Variants in SUGCT observed in about 807,000 individuals in gnomAD.
SUGCT encodes the protein succinyl-CoA:glutarate CoA-transferase.
SUGCT carries 41 observed loss-of-function variants against 55.0 expected under a neutral mutation model. The observed-to-expected ratio is 0.74, with a 90% confidence interval of 0.58 to 0.97. SUGCT has a LOEUF of 0.97. SUGCT is among the 50% of genes least tolerant of loss of function. The probability of loss-of-function intolerance (pLI) is 0.00; values close to 1 mark genes in which losing one functional copy is unlikely to be tolerated. For missense variants in SUGCT, 568 were observed against 547.8 expected (o/e 1.04, Z -0.37); for synonymous variants, 187 against 200.4 (o/e 0.93, Z 0.56).
At chr7:40,751,566 C>T (rs941141120) in intron 13 of SUGCT, among the ~76,000 whole-genome samples, 5 of 152,116 alleles carry the variant, frequency 3.3e-5, no homozygotes, top group African/African-American at 7.2e-5. Flanking sequence ...ACTGATTTTC[C>T]ACATGAAGAA....
chr7:40,762,231 G>C (rs1562987654), intron 13 of SUGCT, among the ~76,000 whole-genome samples: 1 of 152,204 alleles, frequency 6.6e-6, no homozygotes, highest in Admixed American at 6.5e-5. Context: ...TCTTCATTGA[G>C]CCTCAGTAAA....
intron 11 of SUGCT, among the ~76,000 whole-genome samples, chr7:40,465,822 G>C (rs1204392251): frequency 6.6e-6 from 1 of 152,016 alleles, no homozygotes; most frequent in Non-Finnish European, 1.5e-5. Context: ...AAGCCACTAT[G>C]ACCATTTCAC....
intron 7 of SUGCT, among the ~76,000 whole-genome samples, chr7:40,253,808 A>G (rs1790609136): frequency 6.6e-6 from 1 of 152,262 alleles, no homozygotes; most frequent in African/African-American, 2.4e-5. Context: ...GGCATGAGCC[A>G]CTGCACCCGG....
At chr7:40,559,067 C>T (rs1293237942) in intron 12 of SUGCT, among the ~76,000 whole-genome samples, 1 of 152,104 alleles carries the variant, frequency 6.6e-6, no homozygotes, top group African/African-American at 2.4e-5. Context: ...TGCAATAATC[C>T]TGTGAGTGCA....
the SUGCT span, among the ~76,000 whole-genome samples, chr7:40,881,043 A>G: frequency 6.6e-6 from 1 of 152,156 alleles, no homozygotes; most frequent in African/African-American, 2.4e-5. Context: ...AGAAAACATA[A>G]CAGAACATAA....
At chr7:40,854,397 TTC>T (rs1291910065) in intron 13 of SUGCT, among the ~76,000 whole-genome samples, 38 of 106,348 alleles carry the variant, frequency 3.6e-4, no homozygotes, top group East Asian at 1.7e-3. Flanking sequence ...CAAAATTTTT[TTC>T]TTTCTTTCTT....
Position 40,404,088 on chromosome 7 carries a change from C to G in SUGCT, c.817-45199C>G, listed in dbSNP as rs1020950841. ...ACTAAGGCACTGAATGTGAAGATGA[C>G]TGGTACAGGTCACTTAGGAATGGAA... is the stretch of plus-strand genomic sequence containing the variant. On this transcript the variant is annotated intron_variant, in intron 9 of 13. Coordinates refer to ENST00000335693, the MANE Select transcript of SUGCT (RefSeq NM_001193313.2). 8.5e-5 allele frequency among the ~76,000 whole-genome samples: 13 copies of G among 152,164 alleles called. No homozygotes were observed. In the South Asian group the frequency reaches 2.5e-3, roughly 29 times the overall value.
chr7:40,160,112 C>G (rs1784075105), intron 1 of SUGCT, among the ~76,000 whole-genome samples: 1 of 152,174 alleles, frequency 6.6e-6, no homozygotes, highest in Admixed American at 6.5e-5. Context: ...TGTAGTAAAC[C>G]TTAGCTCTGT....
Position 40,560,861 on chromosome 7 carries a change from A to C in SUGCT, c.1089+64475A>C, listed in dbSNP as rs555886037. 2.0e-5 allele frequency among the ~76,000 whole-genome samples: 3 copies of C among 152,316 alleles called. No individual in the cohort carries two copies. In the East Asian group the frequency reaches 5.8e-4, roughly 29 times the overall value. ...AATGTTTCTTAATTAGTGTTTGCAA[A>C]TCTGCTGATTTTACGAAAAATCTGT... is the stretch of plus-strand genomic sequence containing the variant. On this transcript the variant is annotated intron_variant, in intron 12 of 13. Coordinates refer to ENST00000335693, the MANE Select transcript of SUGCT (RefSeq NM_001193313.2).
chr7:40,744,836 T>C (rs1321587551), intron 12 of SUGCT, among the ~76,000 whole-genome samples: 1 of 152,246 alleles, frequency 6.6e-6, no homozygotes, highest in Non-Finnish European at 1.5e-5. Context: ...CTCTGGTCTT[T>C]ACTAACCTCC....
the SUGCT span, among the ~76,000 whole-genome samples, chr7:40,884,544 G>A: frequency 2.6e-5 from 4 of 152,074 alleles, no homozygotes; most frequent in African/African-American, 7.2e-5. Context: ...TATTTGGCCC[G>A]CCTGTTCCGC....
the SUGCT span, among the ~76,000 whole-genome samples, chr7:40,909,388 G>A: frequency 6.6e-6 from 1 of 152,122 alleles, no homozygotes; most frequent in Non-Finnish European, 1.5e-5. Context: ...CTGAAGCATG[G>A]CTACATGTCA....
chr7:40,289,177 G>A (rs554635642), intron 8 of SUGCT, among the ~76,000 whole-genome samples: 3 of 152,200 alleles, frequency 2.0e-5, no homozygotes, highest in South Asian at 2.1e-4. Flanking sequence ...ATCTTGAGAT[G>A]GGAGATTATC....
the SUGCT span, among the ~76,000 whole-genome samples, chr7:40,978,723 A>G: frequency 2.6e-5 from 4 of 152,188 alleles, no homozygotes; most frequent in African/African-American, 4.8e-5. Context: ...CAAAAGCAGC[A>G]TGTGTCAAGG....
chr7:40,459,327 G>T (rs1200301777), intron 11 of SUGCT, 129 bp downstream of exon 11: 1 of 614,964 alleles, frequency 1.6e-6, no homozygotes, highest in African/African-American at 1.9e-5. Flanking sequence ...TACAAAACTG[G>T]CTGGTGGAGA....
At chr7:40,273,517 T>C (rs1038296639) in intron 7 of SUGCT, among the ~76,000 whole-genome samples, 1 of 152,222 alleles carries the variant, frequency 6.6e-6, no homozygotes. Context: ...CAATGACTAA[T>C]AACAATGTTG....
chr7:40,520,432 AGTG>A (rs914281886), intron 12 of SUGCT, among the ~76,000 whole-genome samples: 1 of 152,116 alleles, frequency 6.6e-6, no homozygotes, highest in African/African-American at 2.4e-5. Flanking sequence ...TGGTTTATGA[AGTG>A]GTGCAAATAT....
intron 9 of SUGCT, among the ~76,000 whole-genome samples, chr7:40,442,864 C>T (rs1788594219): frequency 1.3e-5 from 2 of 152,038 alleles, no homozygotes; most frequent in South Asian, 2.1e-4. Flanking sequence ...TAATGCTATC[C>T]CTCCCCCTTC....
chr7:40,588,286 G>T (rs183214647), intron 12 of SUGCT, among the ~76,000 whole-genome samples: 69 of 151,386 alleles, frequency 4.6e-4, no homozygotes, highest in Non-Finnish European at 8.8e-4. Context: ...CATTGTGCAG[G>T]TTAGTTACAT....
Sources: gnomAD v4.1 joint callset for allele counts (sites outside exome capture counted in the v4.1 genomes callset) on GRCh38, gnomAD v4.1.1 for gene constraint, MANE v1.5 for transcripts, NCBI Gene and HGNC (gene_info 2026-07-23, HGNC 2026-07-21) for gene names.